EPHA5: variants seen among roughly 807,000 people sequenced by gnomAD.
EPHA5 encodes the protein ephrin type-A receptor 5.
EPHA5 carries 60 observed loss-of-function variants against 105.0 expected under a neutral mutation model. The observed-to-expected ratio is 0.57, with a 90% CI of 0.46 to 0.71. The LOEUF (loss-of-function observed/expected upper bound fraction) is 0.71, where lower values mean the gene tolerates loss of function less well. Among genes scored for constraint, EPHA5 ranks in the 30% least tolerant of loss-of-function variants. The pLI, the probability that EPHA5 is intolerant of heterozygous loss-of-function variation, is 0.00. For missense variants in EPHA5, 1,218 were observed against 1,274.7 expected (o/e 0.96, Z 0.68); for synonymous variants, 513 against 449.1 (o/e 1.14, Z -1.80).
chr4:65,571,712 T>C (rs1474312804), intron 3 of EPHA5, among the ~76,000 whole-genome samples: 2 of 152,102 alleles, frequency 1.3e-5, no homozygotes, highest in Admixed American at 1.3e-4. Flanking sequence ...TAAAAATATG[T>C]ATTTTTGTCA....
Position 65,462,450 on chromosome 4 carries a change from TG to T in EPHA5, c.1402+27926del, listed in dbSNP as rs368651950. On this transcript the variant is annotated intron_variant, in intron 5 of 16. Coordinates refer to ENST00000613740, the MANE Select transcript of EPHA5 (RefSeq NM_001281766.3). ...TTATTCTCACAATTCTAAACATTGA[TG>T]GGGGGGTCTTCTCCTGGTCTTGACT... 2.9e-4 allele frequency among the ~76,000 whole-genome samples: 44 copies of T among 152,140 alleles called. No individual in the cohort carries two copies. The East Asian group carries it at 3.1e-3, about 11-fold the overall frequency.
intron 3 of EPHA5, chr4:65,573,377 C>G (rs1161149256): frequency 2.9e-5 from 25 of 850,574 alleles, no homozygotes; most frequent in South Asian, 7.9e-5. Flanking sequence ...CGCCACTGCA[C>G]TCCAGCCTGG....
chr4:65,356,625 G>A (rs75273009), intron 11 of EPHA5, among the ~76,000 whole-genome samples: 71 of 151,604 alleles, frequency 4.7e-4, no homozygotes, highest in African/African-American at 1.7e-3. Context: ...TGAGAAAGAT[G>A]ATAAGGACCT....
intron 5 of EPHA5, among the ~76,000 whole-genome samples, chr4:65,424,491 G>A (rs1413010947): frequency 6.6e-6 from 1 of 152,038 alleles, no homozygotes; most frequent in African/African-American, 2.4e-5. Flanking sequence ...TTTGAAGGTT[G>A]ACATCTTATT....
intron 8 of EPHA5, among the ~76,000 whole-genome samples, chr4:65,404,106 A>G (rs1293649116): frequency 6.6e-6 from 1 of 152,206 alleles, no homozygotes; most frequent in Non-Finnish European, 1.5e-5. Flanking sequence ...GTGTCATATA[A>G]AGAGATATAG....
Position 65,602,068 on chromosome 4 carries a change from C to T in EPHA5, c.483G>A (p.Gln161=), listed in dbSNP as rs2149440322. 2 of 1,614,144 alleles carry T rather than the reference C, an allele frequency of 1.2e-6. No individual in the cohort carries two copies. Among genetic ancestry groups the T allele is most frequent in the Non-Finnish European group, 1.7e-6 (2 of 1,180,016 alleles). Residue 161 remains glutamine (Q), a synonymous_variant, in exon 3 of 17, where the codon CAG becomes CAA. Coordinates refer to ENST00000613740, the MANE Select transcript of EPHA5 (RefSeq NM_001281766.3). ...GGTTTTCCTTGATGTTTCTCCCATT[C>T]TGATCATCTGACTCAAAGTAATACA... The part of the protein sequence containing the change: ...FNMYYFESDD[Q]NGRNIKENQY...
intron 2 of EPHA5, among the ~76,000 whole-genome samples, chr4:65,625,501 G>A (rs1164735746): frequency 3.3e-5 from 5 of 152,048 alleles, no homozygotes; most frequent in African/African-American, 1.2e-4. Context: ...TCACATTCAA[G>A]AATAAGATAT....
At chr4:65,559,099 T>G (rs903717763) in intron 3 of EPHA5, among the ~76,000 whole-genome samples, 6 of 152,116 alleles carry the variant, frequency 3.9e-5, no homozygotes, top group African/African-American at 9.7e-5. Flanking sequence ...AGTAAACAAT[T>G]ATCTCACATA....
intron 10 of EPHA5, among the ~76,000 whole-genome samples, chr4:65,365,535 C>T (rs560102646): frequency 8.8e-5 from 13 of 147,736 alleles, no homozygotes; most frequent in South Asian, 2.1e-4. Context: ...TTCTGTCTAC[C>T]GTAGTAGTAA....
intron 8 of EPHA5, among the ~76,000 whole-genome samples, chr4:65,376,291 G>T (rs1251450130): frequency 6.6e-6 from 1 of 152,002 alleles, no homozygotes. Context: ...ATTATCTGGA[G>T]TATTTCACTT....
At chr4:65,507,371 A>T (rs1400984859) in intron 3 of EPHA5, among the ~76,000 whole-genome samples, 1 of 152,152 alleles carries the variant, frequency 6.6e-6, no homozygotes, top group African/African-American at 2.4e-5. Flanking sequence ...GTTCCATATG[A>T]ACTTTAAAGT....
intron 8 of EPHA5, among the ~76,000 whole-genome samples, chr4:65,374,488 AT>A (rs905337002): frequency 2.6e-5 from 4 of 151,954 alleles, no homozygotes; most frequent in African/African-American, 9.7e-5. Context: ...GGTGGGAAAC[AT>A]GAAAGATCAA....
rs190296017 is a variant in EPHA5 at position 65,324,144 on chromosome 4, C to G, written c.3021G>C (p.Val1007=). The change falls in exon 17 of 17, where the codon GTG becomes GTC. Residue 1007 remains valine, a synonymous_variant. Coordinates refer to ENST00000613740, the MANE Select transcript of EPHA5 (RefSeq NM_001281766.3). ...KIMNSLQEMK[V]QLVNGMVPL ...ATGGCACCATTCCGTTTACCAGCTGCACCTTCATTTCTTGAAGGCTGTTCA... is the reference window on the plus strand; with the variant it reads ...ATGGCACCATTCCGTTTACCAGCTGGACCTTCATTTCTTGAAGGCTGTTCA... 1.2e-6 allele frequency: 2 copies of G among 1,609,018 alleles called. No homozygotes were observed. Among genetic ancestry groups the G allele is most frequent in the Non-Finnish European group, 1.7e-6 (2 of 1,176,708 alleles).
At chr4:65,474,264 G>A (rs900063053) in intron 5 of EPHA5, among the ~76,000 whole-genome samples, 1 of 152,052 alleles carries the variant, frequency 6.6e-6, no homozygotes, top group Non-Finnish European at 1.5e-5. Context: ...GATAATGAGA[G>A]TTTTCATCTT....
intron 15 of EPHA5, among the ~76,000 whole-genome samples, chr4:65,333,317 T>A (rs923777188): frequency 1.3e-5 from 2 of 151,738 alleles, no homozygotes; most frequent in African/African-American, 4.8e-5. Flanking sequence ...CCCTTGAGTA[T>A]AGTTTCTTCA....
intron 16 of EPHA5, among the ~76,000 whole-genome samples, chr4:65,327,364 C>T (rs1449331501): frequency 1.3e-5 from 2 of 151,118 alleles, no homozygotes; most frequent in Non-Finnish European, 3.0e-5. Flanking sequence ...TCAAAGGGCA[C>T]ACCAGTGAAA....
chr4:65,521,143 A>G (rs1734670150), intron 3 of EPHA5, among the ~76,000 whole-genome samples: 1 of 152,208 alleles, frequency 6.6e-6, no homozygotes, highest in Non-Finnish European at 1.5e-5. Context: ...CATCAATGAT[A>G]GGCTGAATTA....
rs1289078797 is a variant in EPHA5, at chr4:65,495,294, G to A, written c.1066+94C>T. 4.7e-6 allele frequency: 6 copies of A among 1,289,880 alleles called. No individual in the cohort carries two copies. In the Admixed American group the frequency reaches 9.1e-5, roughly 19 times the overall value. The allele number at this position is 1,289,880 out of a possible 1,614,324, so 79.9% of individuals were successfully genotyped here. On this transcript the variant is annotated intron_variant, in intron 4 of 16. Transcript: ENST00000613740. ...TGATTAAACATTATGTCTGTTTTAG[G>A]GGGAAATGTTACTAGACTATAACAG...
intron 1 of EPHA5, among the ~76,000 whole-genome samples, chr4:65,660,833 T>C (rs1749495680): frequency 6.6e-6 from 1 of 152,106 alleles, no homozygotes. Flanking sequence ...AAAGTGTTCA[T>C]AAAATCCATA....
Sources: allele counts gnomAD v4.1 joint callset (sites outside exome capture counted in the v4.1 genomes callset), GRCh38; gene constraint gnomAD v4.1.1; transcripts MANE v1.5; gene names NCBI Gene and HGNC (gene_info 2026-07-23, HGNC 2026-07-21).